KIF6: variants seen among roughly 807,000 people sequenced by gnomAD.
The protein encoded by KIF6 is kinesin family member 6.
A neutral mutation model predicts 112.7 loss-of-function variants in KIF6; 106 were observed. The ratio of observed to expected loss-of-function variants is 0.94; its 90% CI spans 0.80 to 1.11. The LOEUF is 1.11. Among genes scored for constraint, KIF6 ranks in the 50% least tolerant of loss-of-function variants. The pLI is 0.00. For synonymous variants in KIF6, 339 were observed against 339.9 expected, an observed-to-expected ratio of 1.00 and a Z score of 0.03; for missense variants, 929 against 964.0, an observed-to-expected ratio of 0.96 and a Z score of 0.48.
rs58700365 is a variant in KIF6, at chr6:39,390,048, A to AAG, written c.1811-4377_1811-4376insCT. Among the ~76,000 whole-genome samples the AAG allele has an allele frequency of 6.7e-3, 916 of 137,308 alleles. 38 individuals are homozygous for AAG. The highest frequency in any genetic ancestry group is 0.027 in the African/African-American group (864 of 32,406). 90.1% of individuals were successfully genotyped at this position (137,308 alleles called of 152,430 possible). ...TCTGTCTCCAAAAAAAAAAAAAAAA[A>AAG]AAAAGGAAATAATTACAAATCTGGA... On this transcript the variant is annotated intron_variant, in intron 15 of 22. Transcript: ENST00000287152.
intron 22 of KIF6, among the ~76,000 whole-genome samples, chr6:39,337,154 CTTTT>C (rs1455499398): frequency 0.012 from 897 of 73,612 alleles, 30 homozygotes; most frequent in African/African-American, 0.028. Context: ...CTTTCTCTTT[CTTTT>C]CTTTCTTTCC....
chr6:39,412,755 C>T (rs1769575691), intron 15 of KIF6, among the ~76,000 whole-genome samples: 1 of 152,324 alleles, frequency 6.6e-6, no homozygotes, highest in African/African-American at 2.4e-5. Flanking sequence ...TAAGTTGGCA[C>T]AGCTGAGCCC....
chr6:39,688,480 C>A (rs191725507), intron 3 of KIF6, among the ~76,000 whole-genome samples: 2 of 151,818 alleles, frequency 1.3e-5, no homozygotes, highest in Admixed American at 1.3e-4. Flanking sequence ...ATAAATGCAC[C>A]GAGATAGAAG....
At position 39,545,708 on chromosome 6, in the gene KIF6, G is replaced by T; in HGVS notation, c.1182-20C>A. On this transcript the variant is annotated intron_variant, in intron 10 of 22. Transcript: ENST00000287152. Reference sequence around the variant, plus strand: ...TCCAGCCTAAAAATACATAATGTATGAGAAGCAACTGTGAGCTAGAAGCTT... The same window carrying T: ...TCCAGCCTAAAAATACATAATGTATTAGAAGCAACTGTGAGCTAGAAGCTT... 1 of 1,473,600 alleles carries T rather than the reference G, an allele frequency of 6.8e-7. No individual in the cohort carries two copies. Among genetic ancestry groups the T allele is most frequent in the South Asian group, 1.1e-5 (1 of 87,742 alleles). The allele number at this position is 1,473,600 out of a possible 1,614,324, so 91.3% of individuals were successfully genotyped here.
Position 39,346,124 on chromosome 6 carries a change from TCC to T in KIF6, c.2232-337_2232-336del, listed in dbSNP as rs1491353984. On this transcript the variant is annotated intron_variant, in intron 20 of 22. Transcript: ENST00000287152. The stretch of plus-strand genomic sequence containing the variant: ...CTCCCCCCCTCCCTCTCCCTCTCCC[TCC>T]CTCTCCCTCTCTCTCTCTCTCTCTC... Among the ~76,000 whole-genome samples the T allele has an allele frequency of 2.9e-3, 207 of 70,238 alleles. 20 individuals are homozygous for T. Among genetic ancestry groups the T allele is most frequent in the African/African-American group, 8.6e-3 (118 of 13,754 alleles). The allele number at this position is 70,238 out of a possible 152,430, so 46.1% of individuals were successfully genotyped here.
At chr6:39,656,548 C>A (rs957302069) in intron 3 of KIF6, among the ~76,000 whole-genome samples, 1 of 152,192 alleles carries the variant, frequency 6.6e-6, no homozygotes. Flanking sequence ...TGGAATATTT[C>A]TCACATGTCA....
chr6:39,357,702 G>A lies in KIF6; in HGVS notation c.2083-328C>T, dbSNP rs1764821884. Among the ~76,000 whole-genome samples the A allele has an allele frequency of 3.3e-5, 5 of 152,226 alleles. No individual in the cohort carries two copies. The South Asian group carries it at 8.3e-4, about 25-fold the overall frequency. Reference sequence around the variant, plus strand: ...GACCTCAGTTGATCTGCTCACCTTGGCCTCCCAAAGTGCTGGGATTACAGG... The same window carrying A: ...GACCTCAGTTGATCTGCTCACCTTGACCTCCCAAAGTGCTGGGATTACAGG... On this transcript the variant is annotated intron_variant, in intron 18 of 22. Transcript: ENST00000287152.
At chr6:39,355,880 C>T (rs1047324399) in intron 19 of KIF6, among the ~76,000 whole-genome samples, 5 of 151,924 alleles carry the variant, frequency 3.3e-5, no homozygotes, top group Non-Finnish European at 4.4e-5. Context: ...CTTCCCCTAT[C>T]GGGCAGTTTT....
chr6:39,587,399 C>T (rs1049983756), intron 7 of KIF6, among the ~76,000 whole-genome samples: 10 of 152,220 alleles, frequency 6.6e-5, no homozygotes, highest in African/African-American at 2.2e-4. Context: ...GTTTACAAAA[C>T]GAAAAGGGAG....
intron 13 of KIF6, among the ~76,000 whole-genome samples, chr6:39,512,198 G>A (rs1441042769): frequency 1.3e-5 from 2 of 152,178 alleles, no homozygotes; most frequent in Non-Finnish European, 2.9e-5. Flanking sequence ...TCTGCCAAGA[G>A]ACTGAAGGGT....
At chr6:39,539,704 C>A (rs1320951449) in intron 13 of KIF6, among the ~76,000 whole-genome samples, 2 of 152,126 alleles carry the variant, frequency 1.3e-5, no homozygotes, top group African/African-American at 4.8e-5. Context: ...ATAAACGCTG[C>A]CTCGTCATCA....
At chr6:39,647,869 G>T (rs995200028) in intron 3 of KIF6, among the ~76,000 whole-genome samples, 18 of 151,890 alleles carry the variant, frequency 1.2e-4, no homozygotes, top group Non-Finnish European at 2.1e-4. Context: ...CCGCCATTAT[G>T]CCCAGCTAAT....
intron 10 of KIF6, among the ~76,000 whole-genome samples, chr6:39,575,352 G>T (rs960392412): frequency 1.3e-5 from 2 of 151,440 alleles, no homozygotes; most frequent in Non-Finnish European, 2.9e-5. Context: ...CTCATTGCAA[G>T]CTCTGCCTCC....
chr6:39,695,272 C>T (rs539753421), intron 3 of KIF6, among the ~76,000 whole-genome samples: 1 of 152,206 alleles, frequency 6.6e-6, no homozygotes, highest in East Asian at 1.9e-4. Flanking sequence ...GAATTTATAA[C>T]TTAAGTTCTC....
intron 3 of KIF6, among the ~76,000 whole-genome samples, chr6:39,683,006 A>G (rs1787629222): frequency 6.6e-6 from 1 of 152,254 alleles, no homozygotes; most frequent in African/African-American, 2.4e-5. Flanking sequence ...GGGCAAGAAC[A>G]ATCTTGTCTT....
intron 15 of KIF6, among the ~76,000 whole-genome samples, chr6:39,403,354 CCTG>C (rs978406850): frequency 3.3e-4 from 50 of 152,258 alleles, no homozygotes; most frequent in African/African-American, 1.1e-3. Flanking sequence ...CCACCCCTGC[CCTG>C]CATTGTGGAA....
intron 13 of KIF6, among the ~76,000 whole-genome samples, chr6:39,515,302 T>A (rs113645656): frequency 0.023 from 3,461 of 152,262 alleles, 65 homozygotes; most frequent in Non-Finnish European, 0.033. Flanking sequence ...ATAACAAAGA[T>A]CATGAATAGG....
At chr6:39,468,167 A>G (rs903142621) in intron 13 of KIF6, among the ~76,000 whole-genome samples, 5 of 151,972 alleles carry the variant, frequency 3.3e-5, no homozygotes, top group Non-Finnish European at 7.4e-5. Flanking sequence ...CATACTCTGA[A>G]GAGCAAAGAA....
At chr6:39,417,666 C>T (rs1341235926) in intron 15 of KIF6, among the ~76,000 whole-genome samples, 1 of 152,138 alleles carries the variant, frequency 6.6e-6, no homozygotes, top group Non-Finnish European at 1.5e-5. Flanking sequence ...CAGAATGTGG[C>T]AAACTTGCTC....
Sources: gnomAD v4.1 joint callset for allele counts (sites outside exome capture counted in the v4.1 genomes callset) on GRCh38, gnomAD v4.1.1 for gene constraint, MANE v1.5 for transcripts, NCBI Gene and HGNC (gene_info 2026-07-23, HGNC 2026-07-21) for gene names.